TMIGD1: variants seen among roughly 807,000 people sequenced by gnomAD.
TMIGD1 encodes transmembrane and immunoglobulin domain-containing protein 1.
Under a neutral mutation model 27.5 loss-of-function variants are expected in TMIGD1, and 29 were observed. The ratio of observed to expected loss-of-function variants is 1.05; its 90% CI spans 0.78 to 1.44. The LOEUF (loss-of-function observed/expected upper bound fraction) is 1.44, where lower values mean the gene tolerates loss of function less well. Ranked by LOEUF, TMIGD1 falls within the 40% of genes most tolerant of loss-of-function variation. The pLI is 0.00. For synonymous variants in TMIGD1, 109 were observed against 110.3 expected (o/e 0.99, Z 0.07); for missense variants, 334 against 310.6 (o/e 1.08, Z -0.57).
intron 4 of TMIGD1, among the ~76,000 whole-genome samples, chr17:30,322,902 G>T (rs1052628567): frequency 1.3e-5 from 2 of 152,190 alleles, no homozygotes; most frequent in African/African-American, 4.8e-5. Context: ...GGGGCATGGT[G>T]GTTCATGCCT....
intron 5 of TMIGD1, 34 bp downstream of exon 5, chr17:30,318,776 C>A: frequency 6.6e-7 from 1 of 1,513,622 alleles, no homozygotes; most frequent in Non-Finnish European, 9.2e-7. Flanking sequence ...CAGATGATGG[C>A]TTTTTACTTA....
intron 3 of TMIGD1, among the ~76,000 whole-genome samples, chr17:30,328,234 C>T (rs540292229): frequency 5.3e-5 from 8 of 152,096 alleles, no homozygotes; most frequent in African/African-American, 1.7e-4. Context: ...CAGGTTTCAC[C>T]ATTGTTGGTC....
At position 30,319,249 on chromosome 17, in the gene TMIGD1, G is replaced by GAAAAAAA. The variant is rs1201681602; in HGVS notation, c.641-343_641-337dup. Among the ~76,000 whole-genome samples the GAAAAAAA allele has an allele frequency of 2.0e-4, 14 of 70,882 alleles. 1 individual carries two copies. Among genetic ancestry groups the GAAAAAAA allele is most frequent in the African/African-American group, 9.2e-4 (11 of 11,922 alleles). The allele number at this position is 70,882 out of a possible 152,430, so 46.5% of individuals were successfully genotyped here. A position where few individuals can be genotyped will look rare whatever the true frequency, so the allele number is the denominator to read the frequency against. ...TGAAACCCCATCTGTAAAAAAAAAA[G>GAAAAAAA]AAAAAAAAAAAAATATATATATATA... On this transcript the variant is annotated intron_variant, in intron 4 of 6. Transcript: ENST00000328886.
intron 3 of TMIGD1, among the ~76,000 whole-genome samples, chr17:30,326,811 T>C (rs1203141326): frequency 6.6e-6 from 1 of 152,184 alleles, no homozygotes; most frequent in Non-Finnish European, 1.5e-5. Context: ...AAAGAGGTGT[T>C]CTCAATTTAA....
intron 3 of TMIGD1, among the ~76,000 whole-genome samples, chr17:30,327,288 A>G (rs973295553): frequency 2.0e-5 from 3 of 152,146 alleles, no homozygotes; most frequent in Non-Finnish European, 4.4e-5. Context: ...CTGGTGGTGC[A>G]CGCCTGTAGT....
At chr17:30,318,019 G>T (rs1909475994) in intron 5 of TMIGD1, among the ~76,000 whole-genome samples, 4 of 151,954 alleles carry the variant, frequency 2.6e-5, no homozygotes, top group Non-Finnish European at 4.4e-5. Flanking sequence ...AGTGAGCTGT[G>T]ATCAAGGCAC....
rs116465649 is a variant in TMIGD1 at position 30,331,217 on chromosome 17, A to G, written c.82+835T>C. ...CTCAAAAAAGCAAAAAACTTAAGCTACTTGTAAAGATAATGGTATTGTTGT... is the reference window on the plus strand; with the variant it reads ...CTCAAAAAAGCAAAAAACTTAAGCTGCTTGTAAAGATAATGGTATTGTTGT... On this transcript the variant is annotated intron_variant, in intron 2 of 6. Coordinates refer to ENST00000328886, the MANE Select transcript of TMIGD1 (RefSeq NM_206832.3). 6.6e-3 allele frequency among the ~76,000 whole-genome samples: 1,012 copies of G among 152,294 alleles called. 7 individuals are homozygous for G. The highest frequency in any genetic ancestry group is 0.013 in the African/African-American group (527 of 41,572).
chr17:30,328,549 T>A (rs1345617464), intron 3 of TMIGD1, among the ~76,000 whole-genome samples: 1 of 151,850 alleles, frequency 6.6e-6, no homozygotes, highest in African/African-American at 2.4e-5. Context: ...GAAAAAAGCA[T>A]AAAACCCAAC....
rs75725705 is a variant in TMIGD1, at chr17:30,330,485, A to G, written c.83-956T>C. ...AATATAAATTAAAGCTCTAATAATTACTACAAATGTATCAAAATTGCACAT... is the reference window on the plus strand; with the variant it reads ...AATATAAATTAAAGCTCTAATAATTGCTACAAATGTATCAAAATTGCACAT... On this transcript the variant is annotated intron_variant, in intron 2 of 6. Coordinates refer to ENST00000328886, the MANE Select transcript of TMIGD1 (RefSeq NM_206832.3). 6.6e-3 allele frequency among the ~76,000 whole-genome samples: 1,012 copies of G among 152,374 alleles called. 7 individuals carry two copies. Among genetic ancestry groups the G allele is most frequent in the African/African-American group, 0.013 (527 of 41,590 alleles).
In TMIGD1 at chr17:30,329,517, G is replaced by C; in HGVS notation, c.95C>G (p.Thr32Ser). Reference protein sequence around the residue: ...LPREMTSSVLTVNGKTENYIL... With the variant: ...LPREMTSSVLSVNGKTENYIL... ...ATAGTTCTCAGTTTTACCATTCACA[G>C]TTAAAACAGAACCTGGGAGTATAGG... Residue 32 changes from threonine (T) to serine (S), a missense_variant, in exon 3 of 7, where the codon ACT (threonine) becomes AGT (serine). Physicochemically the swap from Thr to Ser is moderately conservative, Grantham distance 58 (BLOSUM62 1). Coordinates refer to ENST00000328886, the MANE Select transcript of TMIGD1 (RefSeq NM_206832.3). 1 of 1,609,772 alleles carries C rather than the reference G, an allele frequency of 6.2e-7. No homozygotes were observed. Among genetic ancestry groups the C allele is most frequent in the Non-Finnish European group, 8.5e-7 (1 of 1,176,488 alleles).
At chr17:30,329,596 A>T (rs765958136) in intron 2 of TMIGD1, 67 bp from the exon 3 acceptor site, 6 of 1,372,626 alleles carry the variant, frequency 4.4e-6, no homozygotes, top group Non-Finnish European at 6.0e-6. Flanking sequence ...TGAACAGGGG[A>T]TTGGTTAAAT....
intron 4 of TMIGD1, among the ~76,000 whole-genome samples, chr17:30,323,136 C>CTCCA (rs1909673063): frequency 6.6e-6 from 1 of 152,108 alleles, no homozygotes; most frequent in South Asian, 2.1e-4. Context: ...CGCTACTGCA[C>CTCCA]TCCAGCCTGG....
At chr17:30,329,806 T>C (rs1909914280) in intron 2 of TMIGD1, among the ~76,000 whole-genome samples, 1 of 152,110 alleles carries the variant, frequency 6.6e-6, no homozygotes. Flanking sequence ...AGCTGGGTGC[T>C]GTGCCTATAA....
chr17:30,316,786 C>A, intron 6 of TMIGD1, 96 bp from the exon 7 acceptor site: 1 of 1,143,606 alleles, frequency 8.7e-7, no homozygotes, highest in Non-Finnish European at 1.3e-6. Flanking sequence ...TGCCTTTGTT[C>A]TTATTACCTA....
intron 4 of TMIGD1, among the ~76,000 whole-genome samples, chr17:30,320,526 C>T (rs116720453): frequency 1.8e-4 from 28 of 152,196 alleles, no homozygotes; most frequent in African/African-American, 6.0e-4. Flanking sequence ...CAACTCTAAC[C>T]GAACTGTTAA....
chr17:30,320,897 G>A (rs1468399213), intron 4 of TMIGD1, among the ~76,000 whole-genome samples: 5 of 151,986 alleles, frequency 3.3e-5, no homozygotes, highest in African/African-American at 4.8e-5. Flanking sequence ...TCGCTCTGCC[G>A]CCCAGGCTGG....
chr17:30,319,382 G>A (rs891320580), intron 4 of TMIGD1, among the ~76,000 whole-genome samples: 1 of 134,474 alleles, frequency 7.4e-6, no homozygotes, highest in Non-Finnish European at 1.5e-5. Context: ...CCAGGGTCGC[G>A]CTACTGCACT....
intron 3 of TMIGD1, among the ~76,000 whole-genome samples, chr17:30,326,344 T>C (rs1025978642): frequency 6.6e-6 from 1 of 152,226 alleles, no homozygotes; most frequent in Non-Finnish European, 1.5e-5. Context: ...TAGATAAAGC[T>C]AAGATCCAAG....
rs60346282 is a variant in TMIGD1, at chr17:30,327,045, T to TACACACACAC, written c.362-1961_362-1952dup. ...TTATGGATTACTGAGCAATTAACTA[T>TACACACACAC]ACACACACACACACACACACACACA... is the stretch of plus-strand genomic sequence containing the variant. On this transcript the variant is annotated intron_variant, in intron 3 of 6. Coordinates refer to ENST00000328886, the MANE Select transcript of TMIGD1 (RefSeq NM_206832.3). Among the ~76,000 whole-genome samples, 132 of 146,588 alleles carry TACACACACAC rather than the reference T, an allele frequency of 9.0e-4. 1 individual carries two copies. The highest frequency in any genetic ancestry group is 2.7e-3 in the African/African-American group (106 of 39,898).
Sources: allele counts gnomAD v4.1 joint callset (sites outside exome capture counted in the v4.1 genomes callset), GRCh38; gene constraint gnomAD v4.1.1; transcripts MANE v1.5; gene names NCBI Gene and HGNC (gene_info 2026-07-23, HGNC 2026-07-21).